DCLRE1C: variants seen among roughly 807,000 people sequenced by gnomAD.
DCLRE1C encodes the protein DNA cross-link repair 1C.
Under a neutral mutation model 61.4 loss-of-function variants are expected in DCLRE1C, and 47 were observed. The observed-to-expected ratio is 0.77, with a 90% CI of 0.61 to 0.98. The LOEUF is 0.98. DCLRE1C is among the 50% of genes least tolerant of loss of function. DCLRE1C has a pLI of 0.00. For missense variants in DCLRE1C, 858 were observed against 816.0 expected (o/e 1.05, Z -0.63); for synonymous variants, 337 against 287.6 (o/e 1.17, Z -1.74).
rs1839546397 is a variant in DCLRE1C, at chr10:14,934,370, G to C, written c.678+10C>G. On this transcript the variant is annotated intron_variant, in intron 8 of 13. Coordinates refer to ENST00000378278, the MANE Select transcript of DCLRE1C (RefSeq NM_001033855.3). ...AAAAAAGAAAAGAAAAGAATGAACAGTCACCATACCTGGACTCCTAATTCT... is the reference window on the plus strand; with the variant it reads ...AAAAAAGAAAAGAAAAGAATGAACACTCACCATACCTGGACTCCTAATTCT... 6.2e-7 allele frequency: 1 copy of C among 1,612,254 alleles called. No homozygotes were observed. The highest frequency in any genetic ancestry group is 8.5e-7 in the Non-Finnish European group (1 of 1,179,438).
chr10:14,900,523 A>G (rs561337477), downstream of DCLRE1C, among the ~76,000 whole-genome samples: 5 of 152,340 alleles, frequency 3.3e-5, no homozygotes, highest in South Asian at 1.0e-3. Context: ...TTTTTTCTTA[A>G]TGATAAATTC....
intron 13 of DCLRE1C, among the ~76,000 whole-genome samples, chr10:14,914,618 T>C (rs369837321): frequency 4.6e-5 from 7 of 152,342 alleles, no homozygotes; most frequent in South Asian, 2.1e-4. Flanking sequence ...TGGTCCACAA[T>C]TGATGGTCCG....
At position 14,906,399 on chromosome 10, in the gene DCLRE1C, C is replaced by T. The variant is rs952566810; in HGVS notation, c.*2009G>A. 6.6e-6 allele frequency among the ~76,000 whole-genome samples: 1 copy of T among 152,122 alleles called. No individual in the cohort carries two copies. The highest frequency in any genetic ancestry group is 1.9e-4 in the East Asian group (1 of 5,200). On this transcript the variant is annotated 3_prime_UTR_variant, in exon 14 of 14. Transcript: ENST00000378278. ...ATTCATTCAGCCAGCATTTATAATG[C>T]CAGACTCACATATAAAACAAACGTA...
chr10:14,915,115 A>G (rs1835955341), intron 13 of DCLRE1C, among the ~76,000 whole-genome samples: 1 of 149,890 alleles, frequency 6.7e-6, no homozygotes, highest in South Asian at 2.1e-4. Flanking sequence ...TTTGAATGAC[A>G]ATGAAAACAA....
chr10:14,951,320 G>C (rs1429861631), intron 1 of DCLRE1C, among the ~76,000 whole-genome samples: 1 of 145,432 alleles, frequency 6.9e-6, no homozygotes, highest in Non-Finnish European at 1.5e-5. Context: ...AGTCCAGGAG[G>C]TGAAGGCTGC....
downstream of DCLRE1C, chr10:14,903,364 TAAACGGTA>T (rs1165137232): frequency 6.6e-6 from 1 of 152,202 alleles, no homozygotes. Flanking sequence ...ACCTCTGATC[TAAACGGTA>T]AAACAAGCTG....
intron 6 of DCLRE1C, 63 bp downstream of exon 6, chr10:14,935,400 C>G: frequency 6.4e-7 from 1 of 1,561,008 alleles, no homozygotes; most frequent in South Asian, 1.1e-5. Flanking sequence ...CTGGGCGACA[C>G]AGCAAGACTC....
chr10:14,922,735 C>A (rs922940053), intron 12 of DCLRE1C, among the ~76,000 whole-genome samples: 3 of 152,148 alleles, frequency 2.0e-5, no homozygotes, highest in Non-Finnish European at 4.4e-5. Context: ...CAAGCTCACA[C>A]TGCACTGTTA....
At chr10:14,922,016 C>A (rs186334910) in intron 12 of DCLRE1C, among the ~76,000 whole-genome samples, 5 of 152,356 alleles carry the variant, frequency 3.3e-5, no homozygotes, top group Admixed American at 3.3e-4. Flanking sequence ...CTCATTCCTT[C>A]TGCACCCATT....
Position 14,908,320 on chromosome 10 carries a change from A to T in DCLRE1C, c.*88T>A. 9.2e-7 allele frequency: 1 copy of T among 1,090,298 alleles called. No individual in the cohort carries two copies. The highest frequency in any genetic ancestry group is 1.4e-6 in the Non-Finnish European group (1 of 721,600). 67.5% of individuals were successfully genotyped at this position (1,090,298 alleles called of 1,614,324 possible). A position where few individuals can be genotyped will look rare whatever the true frequency, so the allele number is the denominator to read the frequency against. On this transcript the variant is annotated 3_prime_UTR_variant, in exon 14 of 14. Coordinates refer to ENST00000378278, the MANE Select transcript of DCLRE1C (RefSeq NM_001033855.3). ...CCAACCAGGTTATTTGAACATTTTT[A>T]AGTACTGTATTTTCTCTATTGTAAT... is the stretch of plus-strand genomic sequence containing the variant.
downstream of DCLRE1C, among the ~76,000 whole-genome samples, chr10:14,901,708 G>A (rs1834032845): frequency 6.6e-6 from 1 of 152,008 alleles, no homozygotes; most frequent in South Asian, 2.1e-4. Flanking sequence ...GCGTGTGCCT[G>A]TAGTCCCAGC....
chr10:14,901,423 A>G (rs1833997864), downstream of DCLRE1C, among the ~76,000 whole-genome samples: 1 of 152,252 alleles, frequency 6.6e-6, no homozygotes, highest in Non-Finnish European at 1.5e-5. Flanking sequence ...TCCAACAGCT[A>G]ATACTAGAAC....
At chr10:14,926,337 C>T (rs1480143336) in intron 11 of DCLRE1C, among the ~76,000 whole-genome samples, 1 of 152,134 alleles carries the variant, frequency 6.6e-6, no homozygotes, top group East Asian at 1.9e-4. Flanking sequence ...AGGTCAGTTT[C>T]AGTGAGTAGG....
rs1443530988 is a variant in DCLRE1C, at chr10:14,928,031, G to A, written c.902C>T (p.Thr301Ile). Residue 301 changes from threonine to isoleucine, a missense_variant, in exon 10 of 14, where the codon ACA becomes ATA. Physicochemically the swap from Thr to Ile is moderately conservative, Grantham distance 89 (BLOSUM62 -1). This residue lies in a region of DCLRE1C where 843 missense variants were observed against 783.5 expected (regional missense o/e 1.08). Coordinates refer to ENST00000378278, the MANE Select transcript of DCLRE1C (RefSeq NM_001033855.3). Reference sequence around the variant, plus strand: ...GCTCTCTTACCTCACAATTACATTTGTTTTTCTGCTCCTTTCTCCAAACCA... The same window carrying A: ...GCTCTCTTACCTCACAATTACATTTATTTTTCTGCTCCTTTCTCCAAACCA... ...TMWFGERSRK[T>I]NVIVRTGESS... 1.2e-6 allele frequency: 2 copies of A among 1,613,760 alleles called. No individual in the cohort carries two copies. Among genetic ancestry groups the A allele is most frequent in the Admixed American group, 1.7e-5 (1 of 60,008 alleles).
At position 14,910,297 on chromosome 10, in the gene DCLRE1C, T is replaced by C. The variant is rs1000524740; in HGVS notation, c.1157-967A>G. Among the ~76,000 whole-genome samples the C allele has an allele frequency of 2.0e-5, 3 of 152,240 alleles. No individual in the cohort carries two copies. In the East Asian group the frequency reaches 5.8e-4, roughly 29 times the overall value. On this transcript the variant is annotated intron_variant, in intron 13 of 13. Coordinates refer to ENST00000378278, the MANE Select transcript of DCLRE1C (RefSeq NM_001033855.3). ...CTTAGGGCTTAAGGTCACTAAGATA[T>C]CTAACGACTGTATTTGGAATCATCC...
chr10:14,903,556 T>C (rs571289495), downstream of DCLRE1C: 1 of 152,090 alleles, frequency 6.6e-6, no homozygotes, highest in Non-Finnish European at 1.5e-5. Context: ...TATACATAAA[T>C]TTTTTTTAGA....
intron 1 of DCLRE1C, among the ~76,000 whole-genome samples, chr10:14,950,357 C>CAA (rs1196056427): frequency 0.018 from 1,266 of 71,254 alleles, 21 homozygotes; most frequent in African/African-American, 0.058. Context: ...AAATAATAAC[C>CAA]AAAAAAAAAA....
chr10:14,907,589 T>C lies in DCLRE1C; in HGVS notation c.*819A>G, dbSNP rs1161135425. ...TTCATAAATTTTTGGAGCTGTTAGGTGCATATACGTTTAGGATTATTTTGT... is the reference window on the plus strand; with the variant it reads ...TTCATAAATTTTTGGAGCTGTTAGGCGCATATACGTTTAGGATTATTTTGT... On this transcript the variant is annotated 3_prime_UTR_variant, in exon 14 of 14. Transcript: ENST00000378278. Among the ~76,000 whole-genome samples, 4 of 152,170 alleles carry C rather than the reference T, an allele frequency of 2.6e-5. No individual in the cohort carries two copies. The highest frequency in any genetic ancestry group is 9.7e-5 in the African/African-American group (4 of 41,428).
chr10:14,951,389 CAAAAAAAAAA>C (rs60272216), intron 1 of DCLRE1C, among the ~76,000 whole-genome samples: 10 of 46,060 alleles, frequency 2.2e-4, no homozygotes, highest in East Asian at 7.6e-4. Context: ...AACCCTGTCT[CAAAAAAAAAA>C]AAAAAAAAAA....
Sources: allele counts gnomAD v4.1 joint callset (sites outside exome capture counted in the v4.1 genomes callset), GRCh38; gene constraint gnomAD v4.1.1; regional missense constraint gnomAD v4.1.1; transcripts MANE v1.5; gene names NCBI Gene and HGNC (gene_info 2026-07-23, HGNC 2026-07-21).